The following NRXN1 variants were observed in gnomAD, a reference collection of about 807,000 sequenced individuals.
NRXN1 encodes the protein neurexin-1.
A neutral mutation model predicts 150.9 loss-of-function variants in NRXN1; 39 were observed. The ratio of observed to expected loss-of-function variants is 0.26; its 90% CI spans 0.20 to 0.34. The LOEUF is 0.34. Ranked by LOEUF, NRXN1 falls within the 10% of genes least tolerant of loss-of-function variation. NRXN1 has a pLI of 1.00. For missense variants in NRXN1, 1,815 were observed against 1,949.9 expected (o/e 0.93, Z 1.30); for synonymous variants, 924 against 757.0 (o/e 1.22, Z -3.62).
chr2:50,931,089 A>G (rs1687670424), intron 2 of NRXN1, among the ~76,000 whole-genome samples: 1 of 152,124 alleles, frequency 6.6e-6, no homozygotes, highest in South Asian at 2.1e-4. Context: ...CCTGTGTATT[A>G]CCATCAGAGA....
At chr2:50,826,786 TC>T (rs1559317955) in intron 5 of NRXN1, among the ~76,000 whole-genome samples, 1 of 152,184 alleles carries the variant, frequency 6.6e-6, no homozygotes, top group Non-Finnish European at 1.5e-5. Flanking sequence ...CTCTTAGACA[TC>T]CCAGTGGAAA....
intron 21 of NRXN1, among the ~76,000 whole-genome samples, chr2:49,971,854 A>C (rs1678014523): frequency 6.6e-6 from 1 of 152,108 alleles, no homozygotes; most frequent in South Asian, 2.1e-4. Flanking sequence ...CAAAAGTAAA[A>C]ATTTTTTTCT....
intron 5 of NRXN1, among the ~76,000 whole-genome samples, chr2:50,877,880 A>G (rs1000345490): frequency 6.6e-6 from 1 of 151,812 alleles, no homozygotes; most frequent in Non-Finnish European, 1.5e-5. Flanking sequence ...CTTGGCATCA[A>G]CTCTTCTGAG....
chr2:50,904,969 T>C (rs919045218), intron 5 of NRXN1, among the ~76,000 whole-genome samples: 1 of 152,094 alleles, frequency 6.6e-6, no homozygotes, highest in African/African-American at 2.4e-5. Flanking sequence ...ATTCAACTAC[T>C]CCAATGTCTT....
intron 5 of NRXN1, among the ~76,000 whole-genome samples, chr2:50,878,230 C>T (rs1255953403): frequency 1.3e-5 from 2 of 151,876 alleles, no homozygotes; most frequent in Non-Finnish European, 2.9e-5. Context: ...TTACCAGAGC[C>T]CACTTTTACT....
At chr2:50,124,522 T>A (rs1450672735) in intron 18 of NRXN1, among the ~76,000 whole-genome samples, 1 of 152,108 alleles carries the variant, frequency 6.6e-6, no homozygotes, top group African/African-American at 2.4e-5. Flanking sequence ...TGTTAAAGTA[T>A]CCAGTTTGGT....
chr2:50,768,846 C>G (rs1702660605), intron 5 of NRXN1, among the ~76,000 whole-genome samples: 1 of 151,734 alleles, frequency 6.6e-6, no homozygotes, highest in Admixed American at 6.6e-5. Context: ...CATCAATTTC[C>G]ATACATGCTT....
intron 5 of NRXN1, among the ~76,000 whole-genome samples, chr2:50,725,796 A>G: frequency 6.6e-6 from 1 of 152,326 alleles, no homozygotes; most frequent in African/African-American, 2.4e-5. Flanking sequence ...TTAAGAACAG[A>G]ATACAGAAAT....
intron 21 of NRXN1, among the ~76,000 whole-genome samples, chr2:50,016,881 G>A (rs1686719074): frequency 6.6e-6 from 1 of 152,156 alleles, no homozygotes; most frequent in South Asian, 2.1e-4. Context: ...GAAGTGAGAA[G>A]CCTGGCACTT....
chr2:50,419,948 C>A (rs1433090794), intron 17 of NRXN1, among the ~76,000 whole-genome samples: 1 of 152,020 alleles, frequency 6.6e-6, no homozygotes, highest in Non-Finnish European at 1.5e-5. Flanking sequence ...CATCTGAATG[C>A]ATGGCTAAAA....
intron 17 of NRXN1, among the ~76,000 whole-genome samples, chr2:50,251,079 A>G (rs781691247): frequency 1.3e-5 from 2 of 151,700 alleles, no homozygotes; most frequent in African/African-American, 2.4e-5. Flanking sequence ...GTAATTGTAT[A>G]TTGTATTACA....
At chr2:50,208,617 T>C (rs2062785671) in intron 18 of NRXN1, among the ~76,000 whole-genome samples, 1 of 152,070 alleles carries the variant, frequency 6.6e-6, no homozygotes, top group Non-Finnish European at 1.5e-5. Context: ...TCCATGAGCC[T>C]GCAGGGGCTG....
At chr2:49,937,206 T>C (rs1332580318) in intron 22 of NRXN1, among the ~76,000 whole-genome samples, 1 of 152,200 alleles carries the variant, frequency 6.6e-6, no homozygotes, top group African/African-American at 2.4e-5. Flanking sequence ...TGAGATAGTT[T>C]GTTTACATTT....
chr2:50,876,495 G>C (rs939020678), intron 5 of NRXN1, among the ~76,000 whole-genome samples: 4 of 151,798 alleles, frequency 2.6e-5, no homozygotes, highest in African/African-American at 9.7e-5. Context: ...GCGAAGGTGA[G>C]TCAAGCCCAG....
At chr2:49,934,715 G>A (rs1572919380) in intron 22 of NRXN1, among the ~76,000 whole-genome samples, 1 of 152,242 alleles carries the variant, frequency 6.6e-6, no homozygotes, top group East Asian at 1.9e-4. Context: ...ATGCTGCTGG[G>A]AGTATTCCTG....
At chr2:50,275,022 T>C (rs1301120128) in intron 17 of NRXN1, among the ~76,000 whole-genome samples, 2 of 152,196 alleles carry the variant, frequency 1.3e-5, no homozygotes, top group African/African-American at 4.8e-5. Flanking sequence ...CCATGGTTTC[T>C]GCAAAAGAAA....
At chr2:50,885,450 T>G (rs1680087001) in intron 5 of NRXN1, among the ~76,000 whole-genome samples, 1 of 150,988 alleles carries the variant, frequency 6.6e-6, no homozygotes. Context: ...AATATCATAC[T>G]TATTTGTATG....
At chr2:50,912,792 A>T (rs1044634866) in intron 5 of NRXN1, 22 of 151,574 alleles carry the variant, frequency 1.5e-4, no homozygotes, top group African/African-American at 5.3e-4. Context: ...AAAAAGAAAA[A>T]AAAAAGAAAT....
At chr2:50,079,720 T>C (rs959359872) in intron 19 of NRXN1, among the ~76,000 whole-genome samples, 1 of 152,074 alleles carries the variant, frequency 6.6e-6, no homozygotes, top group Non-Finnish European at 1.5e-5. Flanking sequence ...TACTAAATCA[T>C]ACAGAATAAG....
Sources: gnomAD v4.1 joint callset for allele counts (sites outside exome capture counted in the v4.1 genomes callset) on GRCh38, gnomAD v4.1.1 for gene constraint, MANE v1.5 for transcripts, NCBI Gene and HGNC (gene_info 2026-07-23, HGNC 2026-07-21) for gene names.